The following TSPAN5 variants were observed in gnomAD, a reference collection of about 807,000 sequenced individuals.
The protein encoded by TSPAN5 is tetraspanin 5, also known as tetraspanin-5.
A neutral mutation model predicts 37.1 loss-of-function variants in TSPAN5; 10 were observed. The observed-to-expected ratio is 0.27, with a 90% confidence interval of 0.17 to 0.46. The LOEUF (loss-of-function observed/expected upper bound fraction) is 0.46, where lower values mean the gene tolerates loss of function less well. Among genes scored for constraint, TSPAN5 ranks in the 20% least tolerant of loss-of-function variants. The pLI, the probability that TSPAN5 is intolerant of heterozygous loss-of-function variation, is 1.00. For synonymous variants in TSPAN5, 110 were observed against 118.9 expected (o/e 0.93, Z 0.48); for missense variants, 195 against 326.6 (o/e 0.60, Z 3.11).
At chr4:98,564,216 G>T (rs867251066) in intron 1 of TSPAN5, among the ~76,000 whole-genome samples, 2 of 152,124 alleles carry the variant, frequency 1.3e-5, no homozygotes, top group African/African-American at 4.8e-5. Context: ...AAACCTAAAT[G>T]ATACATACAG....
At chr4:98,566,651 G>A (rs1045324428) in intron 1 of TSPAN5, among the ~76,000 whole-genome samples, 5 of 152,174 alleles carry the variant, frequency 3.3e-5, no homozygotes, top group African/African-American at 7.2e-5. Flanking sequence ...GTTTTCTCCC[G>A]CCTGATGTTG....
At chr4:98,499,950 G>A (rs1443702075) in intron 2 of TSPAN5, among the ~76,000 whole-genome samples, 7 of 151,970 alleles carry the variant, frequency 4.6e-5, no homozygotes, top group East Asian at 3.9e-4. Flanking sequence ...GTGAGCCACC[G>A]CGCCCGGCCG....
rs560261181 is a variant in TSPAN5, at chr4:98,647,385, T to C, written c.81+10761A>G. The stretch of plus-strand genomic sequence containing the variant: ...AATTTTTGTTGGAAGCACAACATTA[T>C]GCTTTGAGAAATGCTTAAGTCAAGT... On this transcript the variant is annotated intron_variant, in intron 1 of 7. Transcript: ENST00000305798. Among the ~76,000 whole-genome samples, 85 of 152,350 alleles carry C rather than the reference T, an allele frequency of 5.6e-4. 1 individual carries two copies. The highest frequency in any genetic ancestry group is 9.8e-4 in the Admixed American group (15 of 15,306).
chr4:98,535,379 T>C (rs1040238819), intron 1 of TSPAN5, among the ~76,000 whole-genome samples: 2 of 152,212 alleles, frequency 1.3e-5, no homozygotes, highest in South Asian at 2.1e-4. Flanking sequence ...TTCTGGCTTG[T>C]AGGGTTTCTG....
intron 7 of TSPAN5, among the ~76,000 whole-genome samples, chr4:98,472,956 T>C (rs1752619739): frequency 6.6e-6 from 1 of 152,220 alleles, no homozygotes; most frequent in South Asian, 2.1e-4. Context: ...CTTTTGTGGC[T>C]GTCTTTTTCA....
intron 1 of TSPAN5, among the ~76,000 whole-genome samples, chr4:98,640,920 CA>C (rs568057781): frequency 9.7e-4 from 147 of 152,268 alleles, no homozygotes; most frequent in Non-Finnish European, 1.6e-3. Context: ...ATGGAATCTT[CA>C]CAATGATCCT....
intron 1 of TSPAN5, among the ~76,000 whole-genome samples, chr4:98,587,956 G>A (rs1435459779): frequency 2.0e-5 from 3 of 152,130 alleles, no homozygotes; most frequent in Admixed American, 2.0e-4. Context: ...ACCTATCCAA[G>A]TTTTCAAATA....
chr4:98,608,640 G>A (rs1182614181), intron 1 of TSPAN5, among the ~76,000 whole-genome samples: 2 of 152,070 alleles, frequency 1.3e-5, no homozygotes, highest in East Asian at 3.9e-4. Flanking sequence ...TTCAGAGGCA[G>A]CATGCTTCTC....
intron 1 of TSPAN5, among the ~76,000 whole-genome samples, chr4:98,581,109 T>C (rs1389557934): frequency 6.6e-6 from 1 of 152,198 alleles, no homozygotes; most frequent in East Asian, 1.9e-4. Flanking sequence ...TGCACTGATA[T>C]AAAAACTAGT....
intron 1 of TSPAN5, among the ~76,000 whole-genome samples, chr4:98,597,890 G>C (rs1181077593): frequency 1.5e-5 from 1 of 65,716 alleles, no homozygotes; most frequent in Non-Finnish European, 2.7e-5. Flanking sequence ...CTGTCTTTTT[G>C]TTTGTCTGTG....
chr4:98,598,348 G>C (rs1275124462), intron 1 of TSPAN5, among the ~76,000 whole-genome samples: 1 of 147,672 alleles, frequency 6.8e-6, no homozygotes, highest in African/African-American at 2.5e-5. Context: ...GCACTCCCTA[G>C]TGAGATGAAC....
At chr4:98,475,204 G>A (rs990168318) in intron 7 of TSPAN5, among the ~76,000 whole-genome samples, 2 of 152,204 alleles carry the variant, frequency 1.3e-5, no homozygotes, top group Non-Finnish European at 2.9e-5. Flanking sequence ...TGCTAAAAAG[G>A]TGGTTACAAT....
At chr4:98,621,216 C>T (rs1324454413) in intron 1 of TSPAN5, among the ~76,000 whole-genome samples, 1 of 152,112 alleles carries the variant, frequency 6.6e-6, no homozygotes, top group African/African-American at 2.4e-5. Context: ...GGAGCTGATT[C>T]TCCCTACAAC....
At chr4:98,592,448 T>TA (rs1491388692) in intron 1 of TSPAN5, among the ~76,000 whole-genome samples, 12 of 127,166 alleles carry the variant, frequency 9.4e-5, no homozygotes, top group African/African-American at 3.6e-4. Context: ...TTTTTTTTTT[T>TA]ATTATACTCT....
chr4:98,613,058 C>T (rs911095560), intron 1 of TSPAN5, among the ~76,000 whole-genome samples: 1 of 152,084 alleles, frequency 6.6e-6, no homozygotes, highest in Non-Finnish European at 1.5e-5. Context: ...TCATTTCTGT[C>T]CTCTTCACCA....
At chr4:98,547,878 G>T (rs182551636) in intron 1 of TSPAN5, among the ~76,000 whole-genome samples, 38 of 151,974 alleles carry the variant, frequency 2.5e-4, no homozygotes, top group Non-Finnish European at 4.6e-4. Context: ...GGTGGTGGGT[G>T]CCTGTAATCC....
chr4:98,638,968 G>A (rs1756911065), intron 1 of TSPAN5, among the ~76,000 whole-genome samples: 2 of 152,194 alleles, frequency 1.3e-5, no homozygotes, highest in Non-Finnish European at 2.9e-5. Context: ...ATAGTAAGCA[G>A]TAAGTGAGAG....
At chr4:98,528,542 T>C (rs1434395810) in intron 1 of TSPAN5, among the ~76,000 whole-genome samples, 2 of 152,102 alleles carry the variant, frequency 1.3e-5, no homozygotes, top group South Asian at 2.1e-4. Flanking sequence ...TACATAATTA[T>C]ATTGAACAAA....
intron 1 of TSPAN5, among the ~76,000 whole-genome samples, chr4:98,640,017 T>C: frequency 6.6e-6 from 1 of 152,262 alleles, no homozygotes; most frequent in South Asian, 2.1e-4. Context: ...GAGCTTTCCT[T>C]TACTATAACA....
Sources: allele counts gnomAD v4.1 joint callset (sites outside exome capture counted in the v4.1 genomes callset), GRCh38; gene constraint gnomAD v4.1.1; transcripts MANE v1.5; gene names NCBI Gene and HGNC (gene_info 2026-07-23, HGNC 2026-07-21).